LINGO2: variants seen among roughly 807,000 people sequenced by gnomAD.
LINGO2 encodes the protein leucine rich repeat and Ig domain containing 2.
A neutral mutation model predicts 30.6 loss-of-function variants in LINGO2; 14 were observed. That is an observed-to-expected ratio of 0.46 (90% CI 0.30 to 0.72). LINGO2 has a LOEUF of 0.72. Among genes scored for constraint, LINGO2 ranks in the 30% least tolerant of loss-of-function variants. LINGO2 has a pLI of 0.07. For synonymous variants in LINGO2, 317 were observed against 288.5 expected, an observed-to-expected ratio of 1.10 and a Z score of -1.00; for missense variants, 729 against 751.7, an observed-to-expected ratio of 0.97 and a Z score of 0.35.
At chr9:28,003,374 GATAGATAGAT>G (rs1822074199) in intron 5 of LINGO2, among the ~76,000 whole-genome samples, 1 of 145,058 alleles carries the variant, frequency 6.9e-6, no homozygotes, top group East Asian at 2.6e-4. Flanking sequence ...TAGATAGATA[GATAGATAGAT>G]ATAGAGAGAG....
At chr9:29,071,468 G>A in the LINGO2 span, among the ~76,000 whole-genome samples, 1 of 132,474 alleles carries the variant, frequency 7.5e-6, no homozygotes, top group African/African-American at 2.9e-5. Context: ...ATTGCTGCTT[G>A]CTTATTAACT....
the LINGO2 span, among the ~76,000 whole-genome samples, chr9:28,801,648 T>A: frequency 6.6e-6 from 1 of 152,094 alleles, no homozygotes; most frequent in Non-Finnish European, 1.5e-5. Flanking sequence ...TTTCACCACA[T>A]GGTGGTAAAC....
chr9:28,666,970 T>G (rs913240577), intron 1 of LINGO2, among the ~76,000 whole-genome samples: 2 of 152,146 alleles, frequency 1.3e-5, no homozygotes, highest in Admixed American at 1.3e-4. Context: ...AGAAAACATA[T>G]AGCTTAAAAA....
At chr9:28,485,918 A>G (rs1163484254) in intron 1 of LINGO2, among the ~76,000 whole-genome samples, 2 of 152,070 alleles carry the variant, frequency 1.3e-5, no homozygotes, top group East Asian at 3.9e-4. Context: ...ACTGGCATTG[A>G]AGGAGGTGAT....
intron 2 of LINGO2, among the ~76,000 whole-genome samples, chr9:28,391,763 G>A (rs1439068325): frequency 6.6e-6 from 1 of 151,726 alleles, no homozygotes; most frequent in Non-Finnish European, 1.5e-5. Context: ...AATTATTTTT[G>A]AATATACCAA....
chr9:28,546,176 G>T (rs1405965801), intron 1 of LINGO2, among the ~76,000 whole-genome samples: 1 of 152,002 alleles, frequency 6.6e-6, no homozygotes, highest in Non-Finnish European at 1.5e-5. Context: ...AGATCGATTA[G>T]TTTTCTTTTA....
At chr9:28,479,734 G>A (rs113937109) in intron 1 of LINGO2, among the ~76,000 whole-genome samples, 2,089 of 150,452 alleles carry the variant, frequency 0.014, 51 homozygotes, top group African/African-American at 0.048. Flanking sequence ...TGTATTTCAG[G>A]AACATGTGTC....
At chr9:29,141,199 G>T in the LINGO2 span, among the ~76,000 whole-genome samples, 1 of 151,942 alleles carries the variant, frequency 6.6e-6, no homozygotes, top group South Asian at 2.1e-4. Flanking sequence ...CAAATTTAAA[G>T]ACAGAAGTAT....
At chr9:28,029,678 T>C (rs1410088550) in intron 4 of LINGO2, among the ~76,000 whole-genome samples, 3 of 152,188 alleles carry the variant, frequency 2.0e-5, no homozygotes, top group African/African-American at 7.2e-5. Flanking sequence ...TAGTCAAAAC[T>C]AATAATTAGT....
chr9:29,004,746 A>G, the LINGO2 span, among the ~76,000 whole-genome samples: 1 of 151,960 alleles, frequency 6.6e-6, no homozygotes, highest in African/African-American at 2.4e-5. Flanking sequence ...CACACTAAAC[A>G]TTCACATCTA....
the LINGO2 span, among the ~76,000 whole-genome samples, chr9:29,124,667 A>G: frequency 1.3e-5 from 2 of 152,132 alleles, no homozygotes; most frequent in Admixed American, 6.6e-5. Context: ...AAAAAGTTCA[A>G]TATCACTGGT....
At chr9:29,188,549 C>T in the LINGO2 span, among the ~76,000 whole-genome samples, 1 of 152,312 alleles carries the variant, frequency 6.6e-6, no homozygotes, top group Admixed American at 6.5e-5. Context: ...TCCACAAAAC[C>T]GCCATTGTCA....
chr9:28,092,877 CT>C (rs965483235), intron 4 of LINGO2, among the ~76,000 whole-genome samples: 15 of 152,008 alleles, frequency 9.9e-5, no homozygotes, highest in African/African-American at 3.4e-4. Flanking sequence ...TTACTGTTTA[CT>C]GAGCCCTTCT....
chr9:28,794,978 G>A, the LINGO2 span, among the ~76,000 whole-genome samples: 3 of 151,852 alleles, frequency 2.0e-5, no homozygotes, highest in Non-Finnish European at 4.4e-5. Flanking sequence ...TTACAGGTGT[G>A]TGCCACCATG....
In LINGO2 at chr9:28,224,356, A is replaced by G. The variant is rs567220416; in HGVS notation, c.-87+70852T>C. Among the ~76,000 whole-genome samples the G allele has an allele frequency of 6.7e-4, 102 of 152,220 alleles. 2 individuals are homozygous for G. In the South Asian group the frequency reaches 0.018, roughly 28 times the overall value. ...CGGGATTACAGGCGTGAGCCACCGC[A>G]CCTGGCCCAGAATTTTTTATTGTTA... On this transcript the variant is annotated intron_variant, in intron 4 of 5. Transcript: ENST00000379992.
chr9:28,328,171 G>A (rs910099595), intron 3 of LINGO2, among the ~76,000 whole-genome samples: 2 of 152,154 alleles, frequency 1.3e-5, no homozygotes, highest in African/African-American at 4.8e-5. Flanking sequence ...CTCATAGCAC[G>A]TGTAGTAGAA....
At chr9:29,150,270 A>G in the LINGO2 span, among the ~76,000 whole-genome samples, 1 of 152,210 alleles carries the variant, frequency 6.6e-6, no homozygotes, top group African/African-American at 2.4e-5. Context: ...AATGAAGCCA[A>G]TTGAATATAT....
the LINGO2 span, among the ~76,000 whole-genome samples, chr9:28,924,553 G>GACAA: frequency 1.5e-3 from 222 of 152,022 alleles, no homozygotes; most frequent in African/African-American, 5.2e-3. Context: ...CAAATAAACA[G>GACAA]ACAAACAAAC....
chr9:28,021,501 G>C (rs1823120778), intron 4 of LINGO2, among the ~76,000 whole-genome samples: 1 of 152,122 alleles, frequency 6.6e-6, no homozygotes, highest in African/African-American at 2.4e-5. Context: ...ATGTCAATTA[G>C]ATTAAGTTGA....
Sources: allele counts gnomAD v4.1 joint callset (sites outside exome capture counted in the v4.1 genomes callset), GRCh38; gene constraint gnomAD v4.1.1; transcripts MANE v1.5; gene names NCBI Gene and HGNC (gene_info 2026-07-23, HGNC 2026-07-21).